Variants in ADAMTSL3 observed in about 807,000 individuals in gnomAD.
ADAMTSL3 encodes the protein ADAMTS like 3.
In ADAMTSL3, 128 loss-of-function variants were observed where a neutral mutation model predicts 201.7. The observed-to-expected ratio is 0.63, with a 90% confidence interval of 0.55 to 0.73. The LOEUF is 0.73. Among genes scored for constraint, ADAMTSL3 ranks in the 30% least tolerant of loss-of-function variants. ADAMTSL3 has a pLI of 0.00. For synonymous variants in ADAMTSL3, 738 were observed against 748.4 expected, an observed-to-expected ratio of 0.99 and a Z score of 0.23; for missense variants, 1,990 against 2,119.6, an observed-to-expected ratio of 0.94 and a Z score of 1.20.
At chr15:83,894,904 G>A (rs1387250755) in intron 13 of ADAMTSL3, among the ~76,000 whole-genome samples, 5 of 151,916 alleles carry the variant, frequency 3.3e-5, no homozygotes, top group Admixed American at 6.6e-5. Context: ...TTAGTTCATC[G>A]TGTACATGCA....
chr15:83,910,462 G>GGT (rs2065910760), intron 15 of ADAMTSL3, among the ~76,000 whole-genome samples: 1 of 142,298 alleles, frequency 7.0e-6, no homozygotes, highest in Admixed American at 7.0e-5. Context: ...GTTGCCGTGG[G>GGT]TTTTTTTTTT....
At chr15:84,007,021 T>C (rs2067907598) in intron 23 of ADAMTSL3, among the ~76,000 whole-genome samples, 1 of 152,204 alleles carries the variant, frequency 6.6e-6, no homozygotes. Flanking sequence ...ATTATCACTA[T>C]ATTTCCCAAA....
chr15:84,002,689 G>A (rs79310125), intron 23 of ADAMTSL3, among the ~76,000 whole-genome samples: 2,359 of 151,740 alleles, frequency 0.016, 56 homozygotes, highest in African/African-American at 0.053. Flanking sequence ...CCTGTTCCCC[G>A]TCCCCCAACA....
At chr15:83,728,204 A>G (rs1053298556) in intron 3 of ADAMTSL3, among the ~76,000 whole-genome samples, 1 of 151,410 alleles carries the variant, frequency 6.6e-6, no homozygotes, top group Admixed American at 6.6e-5. Flanking sequence ...TTCCATTGAC[A>G]TGGAATATCT....
At chr15:83,821,024 A>G (rs1313825369) in intron 6 of ADAMTSL3, among the ~76,000 whole-genome samples, 1 of 152,138 alleles carries the variant, frequency 6.6e-6, no homozygotes, top group Non-Finnish European at 1.5e-5. Context: ...CAGTGAGCCA[A>G]GATCACGCCA....
At chr15:84,013,578 AC>A (rs2068039908) in intron 23 of ADAMTSL3, among the ~76,000 whole-genome samples, 1 of 152,108 alleles carries the variant, frequency 6.6e-6, no homozygotes, top group Non-Finnish European at 1.5e-5. Flanking sequence ...GTTCAAGACG[AC>A]CCTGAGGAAC....
In ADAMTSL3 at chr15:84,039,827, G is replaced by A. The variant is rs2068574941; in HGVS notation, c.*2021G>A. The A allele has an allele frequency of 6.6e-6, 1 of 152,564 alleles. No individual in the cohort carries two copies. Among genetic ancestry groups the A allele is most frequent in the South Asian group, 2.1e-4 (1 of 4,824 alleles). The allele number at this position is 152,564 out of a possible 1,614,324, so 9.5% of individuals were successfully genotyped here. A position where few individuals can be genotyped will look rare whatever the true frequency, so the allele number is the denominator to read the frequency against. ...GAAATAAATTTACTTTGATTATTCA[G>A]TGGCATCCTTATAAATGTAGGCAGC... On this transcript the variant is annotated 3_prime_UTR_variant, in exon 30 of 30. Coordinates refer to ENST00000286744, the MANE Select transcript of ADAMTSL3 (RefSeq NM_207517.3).
chr15:83,709,705 CAGTT>C (rs1206472506), intron 3 of ADAMTSL3, among the ~76,000 whole-genome samples: 1 of 152,154 alleles, frequency 6.6e-6, no homozygotes, highest in Non-Finnish European at 1.5e-5. Context: ...CAGTGTTTCT[CAGTT>C]AGAGGTCATT....
At position 84,031,183 on chromosome 15, in the gene ADAMTSL3, T is replaced by C. The variant is rs939199701; in HGVS notation, c.4657-152T>C. The C allele has an allele frequency of 4.2e-6, 3 of 712,510 alleles. No individual in the cohort carries two copies. The African/African-American group carries it at 5.3e-5, about 12-fold the overall frequency. The allele number at this position is 712,510 out of a possible 1,614,324, so 44.1% of individuals were successfully genotyped here. On this transcript the variant is annotated intron_variant, in intron 27 of 29. Transcript: ENST00000286744. The stretch of plus-strand genomic sequence containing the variant: ...AAGAGGTGTCTGGTCCACAGAGCTG[T>C]ACCCTAATCCTCTTTAACTCCCCCC...
At chr15:83,849,421 C>T (rs532274799) in intron 7 of ADAMTSL3, among the ~76,000 whole-genome samples, 1 of 152,308 alleles carries the variant, frequency 6.6e-6, no homozygotes, top group South Asian at 2.1e-4. Flanking sequence ...CCACCACGCC[C>T]AGCCACCGTC....
intron 5 of ADAMTSL3, among the ~76,000 whole-genome samples, chr15:83,809,946 G>C (rs2063666626): frequency 6.6e-6 from 1 of 152,018 alleles, no homozygotes; most frequent in Non-Finnish European, 1.5e-5. Context: ...GTTTTTTCTT[G>C]GTGGGTAGGC....
At chr15:83,797,930 A>G (rs1260274955) in intron 4 of ADAMTSL3, among the ~76,000 whole-genome samples, 1 of 152,210 alleles carries the variant, frequency 6.6e-6, no homozygotes, top group Non-Finnish European at 1.5e-5. Context: ...CCAAATGAAG[A>G]TTTGGAACAA....
chr15:83,774,936 T>C (rs957667581), intron 4 of ADAMTSL3, among the ~76,000 whole-genome samples: 1 of 151,442 alleles, frequency 6.6e-6, no homozygotes, highest in South Asian at 2.1e-4. Context: ...AACCTCTGTC[T>C]CCCAGGTTCA....
chr15:83,838,408 CG>C (rs1388423669), intron 7 of ADAMTSL3, among the ~76,000 whole-genome samples, 193 bp downstream of exon 7: 1 of 152,062 alleles, frequency 6.6e-6, no homozygotes, highest in Non-Finnish European at 1.5e-5. Flanking sequence ...GAAGAGGACC[CG>C]TTTTCTTTGA....
chr15:83,916,118 A>G (rs565262900), intron 16 of ADAMTSL3, among the ~76,000 whole-genome samples: 4 of 152,298 alleles, frequency 2.6e-5, no homozygotes, highest in East Asian at 3.9e-4. Flanking sequence ...TTGCCCTGCT[A>G]TGAGAAGAGA....
chr15:83,811,732 C>T (rs902577475), intron 5 of ADAMTSL3, among the ~76,000 whole-genome samples: 1 of 152,102 alleles, frequency 6.6e-6, no homozygotes, highest in Non-Finnish European at 1.5e-5. Flanking sequence ...CAAATGCTGC[C>T]CTTTTTAGTT....
At chr15:83,934,152 G>A (rs901113777) in intron 17 of ADAMTSL3, among the ~76,000 whole-genome samples, 4 of 152,150 alleles carry the variant, frequency 2.6e-5, no homozygotes, top group African/African-American at 4.8e-5. Context: ...TGCAGACAAC[G>A]TCAGCCCATG....
At chr15:83,973,972 C>G (rs1159073280) in intron 20 of ADAMTSL3, among the ~76,000 whole-genome samples, 1 of 152,186 alleles carries the variant, frequency 6.6e-6, no homozygotes, top group Admixed American at 6.5e-5. Flanking sequence ...TGGTGTGCAG[C>G]AGGTCCAAGT....
chr15:83,666,088 A>G (rs1324048351), intron 2 of ADAMTSL3, among the ~76,000 whole-genome samples: 1 of 152,152 alleles, frequency 6.6e-6, no homozygotes, highest in African/African-American at 2.4e-5. Context: ...TGTTGTATAG[A>G]TTTCTGATAT....
Sources: allele counts gnomAD v4.1 joint callset (sites outside exome capture counted in the v4.1 genomes callset), GRCh38; gene constraint gnomAD v4.1.1; transcripts MANE v1.5; gene names NCBI Gene and HGNC (gene_info 2026-07-23, HGNC 2026-07-21).